NOTCH2: variants seen among roughly 807,000 people sequenced by gnomAD.
NOTCH2 encodes neurogenic locus notch homolog protein 2.
NOTCH2 carries 29 observed loss-of-function variants against 235.8 expected under a neutral mutation model. The ratio of observed to expected loss-of-function variants is 0.12; its 90% CI spans 0.09 to 0.17. The LOEUF (loss-of-function observed/expected upper bound fraction) is 0.17, where lower values mean the gene tolerates loss of function less well. Among genes scored for constraint, NOTCH2 ranks in the 10% least tolerant of loss-of-function variants. The pLI, the probability that NOTCH2 is intolerant of heterozygous loss-of-function variation, is 1.00. For missense variants in NOTCH2, 2,285 were observed against 3,150.2 expected, an observed-to-expected ratio of 0.73 and a Z score of 6.57; for synonymous variants, 1,086 against 1,141.5, an observed-to-expected ratio of 0.95 and a Z score of 0.98.
At chr1:119,971,872 T>C (rs587713512) in intron 5 of NOTCH2, among the ~76,000 whole-genome samples, 69 of 152,274 alleles carry the variant, frequency 4.5e-4, no homozygotes, top group African/African-American at 1.6e-3. Flanking sequence ...CAACAGGTCT[T>C]TCTAATTTGA....
In NOTCH2 at chr1:119,915,635, C is replaced by T. The variant is rs371357549; in HGVS notation, c.7087G>A (p.Gly2363Arg). 20 of 1,613,884 alleles carry T rather than the reference C, an allele frequency of 1.2e-5. No individual in the cohort carries two copies. Among genetic ancestry groups the T allele is most frequent in the African/African-American group, 2.7e-5 (2 of 74,914 alleles). Residue 2363 changes from glycine to arginine, a missense_variant, in exon 34 of 34, where the codon GGG becomes AGG. By Grantham distance (125) the Gly-to-Arg change is moderately radical. This residue lies in a region of NOTCH2 where 504 missense variants were observed against 538.0 expected (regional missense o/e 0.94). Coordinates refer to ENST00000256646, the MANE Select transcript of NOTCH2 (RefSeq NM_024408.4). ...GGGAGAATGGTCTGAGCTACCTGCC[C>T]GTCCTGCTGGGGCATCATGGCAGTG... ...FPTAMMPQQD[G>R]QVAQTILPAY...
In NOTCH2 at chr1:119,997,972, T is replaced by TAA. The variant is rs1553204522; in HGVS notation, c.416-641_416-640insTT. On this transcript the variant is annotated intron_variant, in intron 3 of 33. Transcript: ENST00000256646. Reference sequence around the variant, plus strand: ...CTGGGCGACACAGCAAGACTCTATTTCAAAAAAAAAAAAAAAAAAATCAAC... The same window carrying TAA: ...CTGGGCGACACAGCAAGACTCTATTTAACAAAAAAAAAAAAAAAAAAATCAAC... Among the ~76,000 whole-genome samples, 89 of 124,724 alleles carry TAA rather than the reference T, an allele frequency of 7.1e-4. No individual in the cohort carries two copies. The East Asian group carries it at 0.016, about 23-fold the overall frequency. 81.8% of individuals were successfully genotyped at this position (124,724 alleles called of 152,430 possible).
chr1:119,937,471 G>A lies in NOTCH2; in HGVS notation c.3338-5C>T, dbSNP rs1553195888. ...ACAAGTGTTCAACAAGCACACCTGGGAAACCCAGTGAGGGAGAAATGTCAT... is the reference window on the plus strand; with the variant it reads ...ACAAGTGTTCAACAAGCACACCTGGAAAACCCAGTGAGGGAGAAATGTCAT... On this transcript the variant is annotated splice_polypyrimidine_tract_variant and splice_region_variant and intron_variant, in intron 20 of 33. Transcript: ENST00000256646. 2.5e-6 allele frequency: 4 copies of A among 1,612,388 alleles called. No homozygotes were observed. Among genetic ancestry groups the A allele is most frequent in the South Asian group, 1.1e-5 (1 of 90,878 alleles).
chr1:119,969,995 C>G (rs1295723530), intron 5 of NOTCH2, among the ~76,000 whole-genome samples: 5 of 152,122 alleles, frequency 3.3e-5, no homozygotes, highest in African/African-American at 1.2e-4. Context: ...GTTTAGCCAA[C>G]TTATCAAAGA....
intron 2 of NOTCH2, among the ~76,000 whole-genome samples, chr1:120,008,912 A>C (rs1468413289): frequency 1.3e-5 from 2 of 152,110 alleles, no homozygotes; most frequent in Non-Finnish European, 2.9e-5. Context: ...AGATGGAGTT[A>C]AGTGCTGTGA....
intron 22 of NOTCH2, chr1:119,935,219 C>A: frequency 1.5e-6 from 2 of 1,377,926 alleles, no homozygotes; most frequent in East Asian, 5.6e-5. Context: ...TGTTGTATCC[C>A]TTCCATATTC....
At chr1:120,067,244 C>A (rs1655543020) in intron 1 of NOTCH2, among the ~76,000 whole-genome samples, 3 of 136,826 alleles carry the variant, frequency 2.2e-5, no homozygotes, top group Admixed American at 6.9e-5. Flanking sequence ...CGAGAAACGG[C>A]TTCTAAATCT....
chr1:120,028,310 T>G (rs1335340653), intron 2 of NOTCH2, among the ~76,000 whole-genome samples: 1 of 123,980 alleles, frequency 8.1e-6, no homozygotes, highest in Non-Finnish European at 1.7e-5. Flanking sequence ...CATAACAGAA[T>G]AAAGCAAGCA....
At chr1:119,953,050 G>A (rs1047617285) in intron 14 of NOTCH2, among the ~76,000 whole-genome samples, 4 of 152,130 alleles carry the variant, frequency 2.6e-5, no homozygotes, top group Non-Finnish European at 5.9e-5. Context: ...GGTGGCTCAC[G>A]CCTGTAATCC....
At chr1:119,987,404 A>C (rs1652062527) in intron 4 of NOTCH2, among the ~76,000 whole-genome samples, 1 of 152,196 alleles carries the variant, frequency 6.6e-6, no homozygotes, top group Non-Finnish European at 1.5e-5. Flanking sequence ...GGTTCTAAAA[A>C]AACAGGGTAT....
At chr1:119,938,046 T>G in intron 19 of NOTCH2, 36 bp from the exon 20 acceptor site, 1 of 1,605,910 alleles carries the variant, frequency 6.2e-7, no homozygotes, top group Non-Finnish European at 8.5e-7. Context: ...ACATCAAAAT[T>G]CAAATACTAG....
intron 1 of NOTCH2, among the ~76,000 whole-genome samples, chr1:120,058,234 T>C (rs1655187795): frequency 6.6e-6 from 1 of 152,158 alleles, no homozygotes; most frequent in African/African-American, 2.4e-5. Flanking sequence ...CCAGGCACGG[T>C]GGCTCACGCC....
chr1:120,010,934 C>G (rs1553206861), intron 2 of NOTCH2, among the ~76,000 whole-genome samples: 4 of 152,056 alleles, frequency 2.6e-5, no homozygotes. Context: ...AAATATGTGG[C>G]CATGAAAAGG....
intron 4 of NOTCH2, among the ~76,000 whole-genome samples, chr1:119,987,547 TGGGGGA>T (rs1163837003): frequency 6.6e-6 from 1 of 151,592 alleles, no homozygotes. Context: ...GGGAAGGGAG[TGGGGGA>T]GGATATAGGA....
chr1:119,925,331 T>C lies in NOTCH2; in HGVS notation c.4485A>G (p.Glu1495=). 1 of 1,614,030 alleles carries C rather than the reference T, an allele frequency of 6.2e-7. No homozygotes were observed. Among genetic ancestry groups the C allele is most frequent in the East Asian group, 2.2e-5 (1 of 44,880 alleles). Residue 1495 remains glutamate (E), a synonymous_variant, in exon 25 of 34, where the codon GAA becomes GAG. Coordinates refer to ENST00000256646, the MANE Select transcript of NOTCH2 (RefSeq NM_024408.4). ...NTVECLFDNF[E]CQGNSKTCKY... is the part of the protein sequence containing the mutation. ...TGCATGTCTTGCTGTTCCCCTGGCA[T>C]TCAAAGTTGTCAAACAGGCACTCGA...
rs587676445 is a variant in NOTCH2, at chr1:119,977,865, TATGTACAC to T, written c.875-8129_875-8122del. Among the ~76,000 whole-genome samples the T allele has an allele frequency of 1.6e-3, 247 of 152,268 alleles. 2 individuals are homozygous for T. The highest frequency in any genetic ancestry group is 1.7e-3 in the Non-Finnish European group (119 of 68,008). On this transcript the variant is annotated intron_variant, in intron 5 of 33. Transcript: ENST00000256646. ...TTCATTCGTTTATCTAAAATATATA[TATGTACAC>T]ATACACACACACGCACACAAACACA...
chr1:119,963,910 G>A, intron 10 of NOTCH2, 103 bp from the exon 11 acceptor site: 1 of 986,946 alleles, frequency 1.0e-6, no homozygotes, highest in Non-Finnish European at 1.6e-6. Context: ...TTCGATGTGT[G>A]GTCAATTAAT....
At chr1:119,917,259 CAAAA>C (rs1457405589) in intron 33 of NOTCH2, among the ~76,000 whole-genome samples, 1 of 149,056 alleles carries the variant, frequency 6.7e-6, no homozygotes, top group Non-Finnish European at 1.5e-5. Flanking sequence ...GGAAGCAGGA[CAAAA>C]AACTCAGATG....
chr1:119,997,151 G>A lies in NOTCH2; in HGVS notation c.597C>T (p.Leu199=), dbSNP rs587604166. Residue 199 remains leucine, a synonymous_variant, in exon 4 of 34, where the codon CTC becomes CTT. Transcript: ENST00000256646. ...PGHCQHGGTC[L]NLPGSYQCQC... is the part of the protein sequence containing the mutation. ...GGCACTGGTAGGAACCAGGCAGGTT[G>A]AGGCAGGTGCCACCATGCTGGCAGT... 2.5e-6 allele frequency: 4 copies of A among 1,613,914 alleles called. No homozygotes were observed. The highest frequency in any genetic ancestry group is 3.4e-6 in the Non-Finnish European group (4 of 1,179,874).
Sources: allele counts gnomAD v4.1 joint callset (sites outside exome capture counted in the v4.1 genomes callset), GRCh38; gene constraint gnomAD v4.1.1; regional missense constraint gnomAD v4.1.1; transcripts MANE v1.5; gene names NCBI Gene and HGNC (gene_info 2026-07-23, HGNC 2026-07-21).